Variants in ADGRV1 observed in about 807,000 individuals in gnomAD.
The protein encoded by ADGRV1 is G-protein coupled receptor 98.
ADGRV1 carries 359 observed loss-of-function variants against 596.2 expected under a neutral mutation model. The observed-to-expected ratio is 0.60, with a 90% CI of 0.55 to 0.66. The LOEUF (loss-of-function observed/expected upper bound fraction) is 0.66, where lower values mean the gene tolerates loss of function less well. Among genes scored for constraint, ADGRV1 ranks in the 30% least tolerant of loss-of-function variants. The pLI, the probability that ADGRV1 is intolerant of heterozygous loss-of-function variation, is 0.00. For missense variants in ADGRV1, 7,274 were observed against 7,575.6 expected, an observed-to-expected ratio of 0.96 and a Z score of 1.48; for synonymous variants, 2,681 against 2,679.2, an observed-to-expected ratio of 1.00 and a Z score of -0.02.
intron 43 of ADGRV1, among the ~76,000 whole-genome samples, chr5:90,718,801 C>A (rs749760572): frequency 1.3e-5 from 2 of 149,774 alleles, no homozygotes; most frequent in African/African-American, 2.5e-5. Flanking sequence ...TTTTTTTTTA[C>A]TGTGACTTTT....
chr5:90,691,084 C>T (rs774884123), intron 31 of ADGRV1, 43 bp downstream of exon 31: 24 of 1,608,560 alleles, frequency 1.5e-5, no homozygotes, highest in Middle Eastern at 1.6e-4. Context: ...TAAATCATAC[C>T]GTATCTATAG....
intron 84 of ADGRV1, among the ~76,000 whole-genome samples, chr5:90,974,505 T>C (rs1169877645): frequency 6.6e-6 from 1 of 152,058 alleles, no homozygotes; most frequent in Non-Finnish European, 1.5e-5. Flanking sequence ...AACAGAGATA[T>C]AGACCAATGG....
intron 45 of ADGRV1, among the ~76,000 whole-genome samples, chr5:90,722,973 G>T (rs1751284774): frequency 6.6e-6 from 1 of 152,006 alleles, no homozygotes; most frequent in Admixed American, 6.6e-5. Flanking sequence ...AAACTCAGGA[G>T]AAAACAGGAT....
intron 70 of ADGRV1, among the ~76,000 whole-genome samples, chr5:90,797,119 C>A (rs941735849): frequency 1.3e-5 from 2 of 151,842 alleles, no homozygotes; most frequent in Non-Finnish European, 2.9e-5. Flanking sequence ...TCACACATAA[C>A]AATATTAACA....
intron 78 of ADGRV1, among the ~76,000 whole-genome samples, chr5:90,841,978 A>T (rs1765472045): frequency 6.6e-6 from 1 of 152,120 alleles, no homozygotes; most frequent in South Asian, 2.1e-4. Flanking sequence ...TGCAGTAAAA[A>T]CTCACTCCAC....
chr5:90,935,679 A>G (rs949127355), intron 83 of ADGRV1, among the ~76,000 whole-genome samples: 1 of 152,196 alleles, frequency 6.6e-6, no homozygotes, highest in African/African-American at 2.4e-5. Context: ...CCTTACACCT[A>G]TACACATAAC....
chr5:90,784,130 C>T, intron 67 of ADGRV1, 73 bp downstream of exon 67: 1 of 931,806 alleles, frequency 1.1e-6, no homozygotes, highest in Non-Finnish European at 1.6e-6. Flanking sequence ...TTTCTCATTG[C>T]CCAAGTATAT....
At chr5:90,766,617 A>G (rs566370202) in intron 59 of ADGRV1, among the ~76,000 whole-genome samples, 13 of 152,300 alleles carry the variant, frequency 8.5e-5, no homozygotes, top group Middle Eastern at 6.8e-3. Flanking sequence ...GTCCATCTTT[A>G]TGTGTCTCAG....
chr5:90,646,428 A>C (rs1236113261), intron 16 of ADGRV1, among the ~76,000 whole-genome samples: 1 of 151,680 alleles, frequency 6.6e-6, no homozygotes, highest in Non-Finnish European at 1.5e-5. Flanking sequence ...TGCAGAAAAC[A>C]CTTCTCCATG....
At chr5:90,982,667 T>C (rs1355418731) in intron 84 of ADGRV1, among the ~76,000 whole-genome samples, 1 of 152,218 alleles carries the variant, frequency 6.6e-6, no homozygotes. Context: ...CTACGCCCTT[T>C]CTATGTCCAC....
intron 34 of ADGRV1, among the ~76,000 whole-genome samples, chr5:90,701,606 ATG>A (rs879517426): frequency 3.3e-5 from 5 of 151,710 alleles, no homozygotes; most frequent in African/African-American, 4.8e-5. Flanking sequence ...GTTTGTGTAT[ATG>A]TGTGTGTGTA....
intron 17 of ADGRV1, among the ~76,000 whole-genome samples, chr5:90,649,027 C>T (rs73181646): frequency 0.015 from 2,332 of 152,200 alleles, 52 homozygotes; most frequent in African/African-American, 0.053. Flanking sequence ...TTATTTTTTA[C>T]GGAGTCTCAC....
chr5:90,611,600 G>A (rs1446092176), intron 1 of ADGRV1, among the ~76,000 whole-genome samples: 2 of 152,004 alleles, frequency 1.3e-5, no homozygotes, highest in East Asian at 1.9e-4. Flanking sequence ...TTCTTTCACA[G>A]TTGCAACAGA....
At chr5:90,587,456 A>G (rs902508942) in intron 1 of ADGRV1, among the ~76,000 whole-genome samples, 1 of 152,148 alleles carries the variant, frequency 6.6e-6, no homozygotes, top group African/African-American at 2.4e-5. Flanking sequence ...CAAAGAAAAA[A>G]GTCATGACGT....
chr5:90,639,560 T>TA (rs899678280), intron 11 of ADGRV1, among the ~76,000 whole-genome samples: 9 of 152,114 alleles, frequency 5.9e-5, no homozygotes, highest in African/African-American at 2.2e-4. Flanking sequence ...TAGTACATAG[T>TA]AAAAAAAGTA....
At chr5:90,815,569 T>C (rs1261812358) in intron 74 of ADGRV1, 50 bp from the exon 75 acceptor site, 1 of 1,017,128 alleles carries the variant, frequency 9.8e-7, no homozygotes, top group Admixed American at 2.0e-5. Context: ...GCATGGGAGG[T>C]CTTTTAAATA....
At chr5:90,833,203 A>C (rs751183495) in intron 77 of ADGRV1, among the ~76,000 whole-genome samples, 17 of 152,096 alleles carry the variant, frequency 1.1e-4, no homozygotes, top group Admixed American at 5.2e-4. Context: ...ACATGTTAAC[A>C]ATACTGATTC....
At chr5:90,561,006 T>C (rs1047227758) in intron 1 of ADGRV1, among the ~76,000 whole-genome samples, 2 of 152,182 alleles carry the variant, frequency 1.3e-5, no homozygotes, top group Non-Finnish European at 2.9e-5. Flanking sequence ...CTAAACTCTT[T>C]TGTTCATATC....
chr5:90,687,062 G>C, intron 29 of ADGRV1, among the ~76,000 whole-genome samples: 1 of 152,030 alleles, frequency 6.6e-6, no homozygotes, highest in Middle Eastern at 3.4e-3. Flanking sequence ...TGATGGGGTT[G>C]TTTTTTTCTT....
Sources: allele counts gnomAD v4.1 joint callset (sites outside exome capture counted in the v4.1 genomes callset), GRCh38; gene constraint gnomAD v4.1.1; transcripts MANE v1.5; gene names NCBI Gene and HGNC (gene_info 2026-07-23, HGNC 2026-07-21).